The following CHERP variants were observed in gnomAD, a reference collection of about 807,000 sequenced individuals.
CHERP encodes ERPROT 213-21.
CHERP carries 8 observed loss-of-function variants against 113.8 expected under a neutral mutation model. The observed-to-expected ratio is 0.07, with a 90% CI of 0.04 to 0.13. The LOEUF is 0.13. Among genes scored for constraint, CHERP ranks in the 10% least tolerant of loss-of-function variants. CHERP has a pLI of 1.00. For missense variants in CHERP, 884 were observed against 1,298.2 expected, an observed-to-expected ratio of 0.68 and a Z score of 4.90; for synonymous variants, 559 against 524.5, an observed-to-expected ratio of 1.07 and a Z score of -0.90.
Position 16,535,180 on chromosome 19 carries a change from T to C in CHERP, c.384+272A>G, listed in dbSNP as rs889453071. 6.6e-5 allele frequency among the ~76,000 whole-genome samples: 10 copies of C among 152,262 alleles called. No individual in the cohort carries two copies. Among genetic ancestry groups the C allele is most frequent in the African/African-American group, 2.4e-4 (10 of 41,564 alleles). On this transcript the variant is annotated intron_variant, in intron 3 of 16. Transcript: ENST00000546361. This position sits in a 1 kb window ranked among gnomAD's most constrained non-coding sequence, Gnocchi z 4.3. ...TGCCTGGCCACAGCCATTAGGGAGC[T>C]TCAAGGTGCATACGTGCCCCACAGT...
At chr19:16,527,374 C>G (rs565589444) in intron 9 of CHERP, among the ~76,000 whole-genome samples, 17 of 152,200 alleles carry the variant, frequency 1.1e-4, no homozygotes, top group Admixed American at 1.1e-3. Context: ...ATGGGAGGCT[C>G]AAAGCCACAA....
rs1420599104 is a variant in CHERP, at chr19:16,535,863, C to G, written c.200-227G>C. Among the ~76,000 whole-genome samples the G allele has an allele frequency of 6.6e-6, 1 of 152,096 alleles. No homozygotes were observed. The highest frequency in any genetic ancestry group is 1.5e-5 in the Non-Finnish European group (1 of 67,946). ...CATTCCATCTTCGGGCCGTCCCCTC[C>G]TCGGAGAACCTAGGAAGTCCCCTGG... On this transcript the variant is annotated intron_variant, in intron 2 of 16. Transcript: ENST00000546361. The surrounding 1 kb of genome is among the most constrained non-coding windows in gnomAD (Gnocchi z 4.3).
At chr19:16,524,747 T>A (rs536777951) in intron 10 of CHERP, among the ~76,000 whole-genome samples, 8 of 151,412 alleles carry the variant, frequency 5.3e-5, no homozygotes, top group South Asian at 4.2e-4. Flanking sequence ...AAAATTTTTT[T>A]AAAAAAGAAA....
chr19:16,522,055 C>A (rs2085620610), intron 11 of CHERP, among the ~76,000 whole-genome samples: 1 of 152,194 alleles, frequency 6.6e-6, no homozygotes, highest in Admixed American at 6.5e-5. Flanking sequence ...AGCCCCCTGG[C>A]CTGTATCCTT....
intron 11 of CHERP, among the ~76,000 whole-genome samples, chr19:16,522,001 C>CTA (rs1189089054): frequency 6.6e-6 from 1 of 152,248 alleles, no homozygotes; most frequent in Non-Finnish European, 1.5e-5. Context: ...CTTGCAATGC[C>CTA]TACCCTGGGC....
intron 10 of CHERP, among the ~76,000 whole-genome samples, chr19:16,524,073 G>A (rs1160687841): frequency 3.3e-5 from 5 of 151,700 alleles, no homozygotes; most frequent in African/African-American, 4.9e-5. Context: ...CCAACATGGC[G>A]AAACCCCATC....
chr19:16,534,308 C>T (rs998002563), intron 3 of CHERP, among the ~76,000 whole-genome samples: 3 of 152,106 alleles, frequency 2.0e-5, no homozygotes, highest in African/African-American at 7.2e-5. Context: ...CCTTGGCCTC[C>T]CAGAGTGCTG....
At chr19:16,522,013 C>G (rs1030301934) in intron 11 of CHERP, among the ~76,000 whole-genome samples, 2 of 152,260 alleles carry the variant, frequency 1.3e-5, no homozygotes, top group African/African-American at 4.8e-5. Flanking sequence ...ACCCTGGGCC[C>G]CCGCTCAGAA....
intron 8 of CHERP, among the ~76,000 whole-genome samples, chr19:16,529,255 C>T (rs1302971140): frequency 1.3e-5 from 2 of 152,174 alleles, no homozygotes; most frequent in East Asian, 1.9e-4. Flanking sequence ...TGGGCTCAAG[C>T]GATCTGCCCA....
intron 3 of CHERP, among the ~76,000 whole-genome samples, chr19:16,534,406 C>T (rs1040888106): frequency 1.3e-5 from 2 of 152,070 alleles, no homozygotes; most frequent in African/African-American, 4.8e-5. Context: ...TAGTACTGAG[C>T]GTGGGGTTGG....
In CHERP at chr19:16,535,887, G is replaced by A. The variant is rs2085738158; in HGVS notation, c.200-251C>T. On this transcript the variant is annotated intron_variant, in intron 2 of 16. Transcript: ENST00000546361. This position sits in a 1 kb window ranked among gnomAD's most constrained non-coding sequence, Gnocchi z 4.3. ...CCTCGGAGAACCTAGGAAGTCCCCT[G>A]GCCGCTCTCTCGCCAGCACCATCCA... 6.6e-6 allele frequency among the ~76,000 whole-genome samples: 1 copy of A among 152,110 alleles called. No homozygotes were observed. Among genetic ancestry groups the A allele is most frequent in the East Asian group, 1.9e-4 (1 of 5,186 alleles).
At position 16,526,907 on chromosome 19, in the gene CHERP, G is replaced by A. The variant is rs370446733; in HGVS notation, c.1305+1173C>T. 1.6e-4 allele frequency among the ~76,000 whole-genome samples: 24 copies of A among 152,194 alleles called. No individual in the cohort carries two copies. In the East Asian group the frequency reaches 3.9e-3, roughly 25 times the overall value. On this transcript the variant is annotated intron_variant, in intron 9 of 16. Transcript: ENST00000546361. ...CCACTGTGTAGCTGGGACGACAGGTGTGCACCACCATGCCAGCTTATTTTT... is the reference window on the plus strand; with the variant it reads ...CCACTGTGTAGCTGGGACGACAGGTATGCACCACCATGCCAGCTTATTTTT...
intron 9 of CHERP, among the ~76,000 whole-genome samples, chr19:16,527,392 G>C (rs934228641): frequency 6.6e-6 from 1 of 152,198 alleles, no homozygotes; most frequent in Admixed American, 6.5e-5. Flanking sequence ...CAACCACCAA[G>C]TCTCAGTCCA....
chr19:16,524,157 G>A lies in CHERP; in HGVS notation c.1742-867C>T, dbSNP rs921086972. Among the ~76,000 whole-genome samples, 47 of 152,108 alleles carry A rather than the reference G, an allele frequency of 3.1e-4. 2 individuals are homozygous for A. The highest frequency in any genetic ancestry group is 1.5e-5 in the Non-Finnish European group (1 of 68,022). ...CCCAGCTACTGAGGAGGCCAAGGTG[G>A]AAGAATCACTTGAACCCAAGAGGAG... On this transcript the variant is annotated intron_variant, in intron 10 of 16. Coordinates refer to ENST00000546361, the MANE Select transcript of CHERP (RefSeq NM_006387.6).
At chr19:16,536,428 C>T (rs542862555) in intron 2 of CHERP, among the ~76,000 whole-genome samples, 7 of 152,268 alleles carry the variant, frequency 4.6e-5, no homozygotes, top group African/African-American at 1.7e-4. Flanking sequence ...CTAAATGTGA[C>T]CAGGTACCCC....
Position 16,520,402 on chromosome 19 carries a change from C to CGACCTT in CHERP, c.2301_2306dup (p.Arg770_Ser771dup), listed in dbSNP as rs2085600389. On this transcript the variant is annotated inframe_insertion, in exon 14 of 17. Coordinates refer to ENST00000546361, the MANE Select transcript of CHERP (RefSeq NM_006387.6). The surrounding 1 kb of genome is among the most constrained non-coding windows in gnomAD (Gnocchi z 4.0). ...GGGAGTAGGAACGGGAGCAGGAGCG[C>CGACCTT]GACCTTGACCTTGAGTACGAGCCTG... is the stretch of plus-strand genomic sequence containing the variant. 2.5e-6 allele frequency: 4 copies of CGACCTT among 1,613,916 alleles called. No homozygotes were observed. Among genetic ancestry groups the CGACCTT allele is most frequent in the East Asian group, 2.2e-5 (1 of 44,888 alleles).
rs935065947 is a variant in CHERP at position 16,518,879 on chromosome 19, G to A, written c.*280C>T. On this transcript the variant is annotated 3_prime_UTR_variant, in exon 17 of 17. Coordinates refer to ENST00000546361, the MANE Select transcript of CHERP (RefSeq NM_006387.6). ...GGCTGAAGAATTTACTCGGGCGGAG[G>A]GTCTTGTGTTTTTTGCTTCGCTATA... 1 of 463,474 alleles carries A rather than the reference G, an allele frequency of 2.2e-6. No individual in the cohort carries two copies. Among genetic ancestry groups the A allele is most frequent in the Non-Finnish European group, 3.8e-6 (1 of 261,304 alleles). The allele number at this position is 463,474 out of a possible 1,614,324, so 28.7% of individuals were successfully genotyped here.
chr19:16,520,667 G>T lies in CHERP; in HGVS notation c.2201+159C>A, dbSNP rs148484490. 4.4e-6 allele frequency: 5 copies of T among 1,136,670 alleles called. No individual in the cohort carries two copies. Among genetic ancestry groups the T allele is most frequent in the Non-Finnish European group, 6.4e-6 (5 of 777,898 alleles). 70.4% of individuals were successfully genotyped at this position (1,136,670 alleles called of 1,614,324 possible). ...TACCAAGTTCCTAAATAGTGTGGCCGAGCCTGCTGCTGTGTGAATTCAGGC... is the reference window on the plus strand; with the variant it reads ...TACCAAGTTCCTAAATAGTGTGGCCTAGCCTGCTGCTGTGTGAATTCAGGC... On this transcript the variant is annotated intron_variant, in intron 13 of 16. Transcript: ENST00000546361. This position sits in a 1 kb window ranked among gnomAD's most constrained non-coding sequence, Gnocchi z 4.0.
intron 2 of CHERP, among the ~76,000 whole-genome samples, chr19:16,536,960 C>T (rs902605479): frequency 3.3e-5 from 5 of 152,002 alleles, no homozygotes; most frequent in African/African-American, 9.7e-5. Flanking sequence ...TGCAGTGAGC[C>T]GAGATGGCGC....
Sources: gnomAD v4.1 joint callset for allele counts (sites outside exome capture counted in the v4.1 genomes callset) on GRCh38, gnomAD v4.1.1 for gene constraint, Gnocchi (gnomAD v3.1) non-coding constraint, MANE v1.5 for transcripts, NCBI Gene and HGNC (gene_info 2026-07-23, HGNC 2026-07-21) for gene names.